The following MINDY2 variants were observed in gnomAD, a reference collection of about 807,000 sequenced individuals.
MINDY2 encodes MINDY lysine 48 deubiquitinase 2, also known as ubiquitin carboxyl-terminal hydrolase MINDY-2.
A neutral mutation model predicts 68.2 loss-of-function variants in MINDY2; 52 were observed. The ratio of observed to expected loss-of-function variants is 0.76; its 90% CI spans 0.61 to 0.96. The LOEUF (loss-of-function observed/expected upper bound fraction) is 0.96, where lower values mean the gene tolerates loss of function less well. MINDY2 is among the 40% of genes least tolerant of loss of function. MINDY2 has a pLI of 0.00. For synonymous variants in MINDY2, 372 were observed against 303.0 expected, an observed-to-expected ratio of 1.23 and a Z score of -2.36; for missense variants, 881 against 773.4, an observed-to-expected ratio of 1.14 and a Z score of -1.65.
rs1233078993 is a variant in MINDY2, at chr15:58,771,354, A to T, written c.-42A>T. On this transcript the variant is annotated 5_prime_UTR_variant, in exon 1 of 9. In the 5' UTR this introduces an upstream ATG that the reference lacks. Transcript: ENST00000559228. ...GCGTCCAAGGCGCTGGCTGCGGAGA[A>T]GTGGCCGCGGTCTCCATAGAGCTGG... 4.5e-6 allele frequency: 7 copies of T among 1,569,480 alleles called. No individual in the cohort carries two copies. Among genetic ancestry groups the T allele is most frequent in the African/African-American group, 1.4e-5 (1 of 73,982 alleles).
intron 6 of MINDY2, among the ~76,000 whole-genome samples, chr15:58,832,265 T>A (rs112724162): frequency 0.034 from 5,193 of 151,680 alleles, 93 homozygotes; most frequent in African/African-American, 0.052. Context: ...TCGCTCTTGT[T>A]GCCCAGGCTG....
chr15:58,850,990 T>C (rs1264882431), intron 7 of MINDY2, among the ~76,000 whole-genome samples: 1 of 152,104 alleles, frequency 6.6e-6, no homozygotes, highest in Non-Finnish European at 1.5e-5. Context: ...TGTTTTTTTT[T>C]CACGACTGAG....
At chr15:58,818,805 A>C (rs2030871718) in intron 4 of MINDY2, among the ~76,000 whole-genome samples, 1 of 151,610 alleles carries the variant, frequency 6.6e-6, no homozygotes, top group South Asian at 2.1e-4. Flanking sequence ...ACGCCTGGCT[A>C]ATTTTTTGTA....
intron 3 of MINDY2, among the ~76,000 whole-genome samples, chr15:58,807,536 G>A (rs1476093844): frequency 6.6e-6 from 1 of 151,732 alleles, no homozygotes; most frequent in African/African-American, 2.4e-5. Flanking sequence ...AAAGTTTTTT[G>A]TATTTTTTAG....
At chr15:58,838,738 C>T (rs1284407576) in intron 6 of MINDY2, among the ~76,000 whole-genome samples, 1 of 151,820 alleles carries the variant, frequency 6.6e-6, no homozygotes. Context: ...AGGCGGGTAC[C>T]ACCACTCCTG....
chr15:58,784,051 T>C (rs1202689504), intron 1 of MINDY2, among the ~76,000 whole-genome samples: 1 of 152,090 alleles, frequency 6.6e-6, no homozygotes, highest in Non-Finnish European at 1.5e-5. Flanking sequence ...CAGGGCCGAG[T>C]GCAGTGGCTC....
At chr15:58,831,353 A>G (rs1480190167) in intron 5 of MINDY2, among the ~76,000 whole-genome samples, 1 of 152,120 alleles carries the variant, frequency 6.6e-6, no homozygotes, top group African/African-American at 2.4e-5. Context: ...GCTACTTTTA[A>G]TTTGAAAACA....
chr15:58,810,443 T>G (rs1276497292), intron 4 of MINDY2, 55 bp downstream of exon 4: 1 of 1,425,510 alleles, frequency 7.0e-7, no homozygotes, highest in East Asian at 2.5e-5. Context: ...ATGTATTAAT[T>G]TGGCAAATTA....
chr15:58,828,992 C>T lies in MINDY2; in HGVS notation c.1226-2782C>T, dbSNP rs923972915. On this transcript the variant is annotated intron_variant, in intron 5 of 8. Coordinates refer to ENST00000559228, the MANE Select transcript of MINDY2 (RefSeq NM_001040450.3). ...CCTTTAGTATCATCAATTACAATAACAATAAAATTGAGATTTAATGTGAAT... is the reference window on the plus strand; with the variant it reads ...CCTTTAGTATCATCAATTACAATAATAATAAAATTGAGATTTAATGTGAAT... Among the ~76,000 whole-genome samples the T allele has an allele frequency of 2.6e-5, 4 of 152,036 alleles. No individual in the cohort carries two copies. In the East Asian group the frequency reaches 5.8e-4, roughly 22 times the overall value.
rs531409910 is a variant in MINDY2, at chr15:58,835,498, C to G, written c.1368+3582C>G. 4.6e-5 allele frequency among the ~76,000 whole-genome samples: 7 copies of G among 152,080 alleles called. No homozygotes were observed. The South Asian group carries it at 1.5e-3, about 32-fold the overall frequency. The stretch of plus-strand genomic sequence containing the variant: ...TGAAACCCCGTCTTTACTAAAAATA[C>G]AAAAATTAGCTGGGCATGGTGGTGG... On this transcript the variant is annotated intron_variant, in intron 6 of 8. Transcript: ENST00000559228.
At chr15:58,806,835 C>G (rs1258983503) in intron 3 of MINDY2, among the ~76,000 whole-genome samples, 3 of 151,974 alleles carry the variant, frequency 2.0e-5, no homozygotes, top group African/African-American at 7.3e-5. Context: ...AAAATGTAAG[C>G]TGGTTGTTTT....
chr15:58,837,032 C>T (rs1435153455), intron 6 of MINDY2, among the ~76,000 whole-genome samples: 2 of 152,094 alleles, frequency 1.3e-5, no homozygotes, highest in East Asian at 3.8e-4. Flanking sequence ...TAGAATAGAA[C>T]CCCTAAAGGA....
At position 58,858,869 on chromosome 15, in the gene MINDY2, A is replaced by G. The variant is rs2033138488; in HGVS notation, c.*4259A>G. ...AAGAATTCTAGATCATTTTGTGTCTATAAACCCGACTTTCTATCTTGCCTT... is the reference window on the plus strand; with the variant it reads ...AAGAATTCTAGATCATTTTGTGTCTGTAAACCCGACTTTCTATCTTGCCTT... On this transcript the variant is annotated 3_prime_UTR_variant, in exon 9 of 9. Coordinates refer to ENST00000559228, the MANE Select transcript of MINDY2 (RefSeq NM_001040450.3). 1 of 152,158 alleles carries G rather than the reference A, an allele frequency of 6.6e-6. No homozygotes were observed. The highest frequency in any genetic ancestry group is 6.5e-5 in the Admixed American group (1 of 15,272). 9.4% of individuals were successfully genotyped at this position (152,158 alleles called of 1,614,324 possible).
At chr15:58,794,194 G>A (rs1332113795) in intron 2 of MINDY2, among the ~76,000 whole-genome samples, 1 of 152,072 alleles carries the variant, frequency 6.6e-6, no homozygotes, top group Non-Finnish European at 1.5e-5. Flanking sequence ...AATTTAAGCT[G>A]CGTAAAGAGG....
chr15:58,826,961 T>C (rs1422128636), intron 5 of MINDY2, among the ~76,000 whole-genome samples: 13 of 152,160 alleles, frequency 8.5e-5, no homozygotes, highest in Admixed American at 8.5e-4. Flanking sequence ...TTGTCGTTTA[T>C]GACATTGACT....
chr15:58,843,572 G>A (rs939605929), intron 6 of MINDY2, among the ~76,000 whole-genome samples: 1 of 152,060 alleles, frequency 6.6e-6, no homozygotes, highest in Admixed American at 6.6e-5. Flanking sequence ...AAATACCCTC[G>A]TAAATTAATT....
At chr15:58,832,699 GT>G (rs1193672462) in intron 6 of MINDY2, among the ~76,000 whole-genome samples, 19 of 150,370 alleles carry the variant, frequency 1.3e-4, no homozygotes, top group African/African-American at 4.7e-4. Flanking sequence ...GGCTAATTTT[GT>G]GTTTTTAGTA....
At position 58,787,886 on chromosome 15, in the gene MINDY2, A is replaced by C. The variant is rs1426597068; in HGVS notation, c.841-20A>C. The C allele has an allele frequency of 6.5e-7, 1 of 1,540,798 alleles. No homozygotes were observed. The highest frequency in any genetic ancestry group is 2.3e-5 in the East Asian group (1 of 43,934). ...CACCTAAAACATTTAATTTTATAGA[A>C]ATAATATTTTGTTTTTCAGGTGAAA... On this transcript the variant is annotated intron_variant, in intron 1 of 8. Transcript: ENST00000559228.
chr15:58,816,415 T>A (rs1567058913), intron 4 of MINDY2, among the ~76,000 whole-genome samples: 1 of 152,160 alleles, frequency 6.6e-6, no homozygotes, highest in Admixed American at 6.6e-5. Flanking sequence ...TTTTGTTTGC[T>A]TGTTTGTTTT....
Sources: gnomAD v4.1 joint callset for allele counts (sites outside exome capture counted in the v4.1 genomes callset) on GRCh38, gnomAD v4.1.1 for gene constraint, MANE v1.5 for transcripts, NCBI Gene and HGNC (gene_info 2026-07-23, HGNC 2026-07-21) for gene names.